PCNX2: variants seen among roughly 807,000 people sequenced by gnomAD.
PCNX2 encodes pecanex-like protein 2.
A neutral mutation model predicts 223.8 loss-of-function variants in PCNX2; 168 were observed. The ratio of observed to expected loss-of-function variants is 0.75; its 90% confidence interval spans 0.66 to 0.85. The LOEUF (loss-of-function observed/expected upper bound fraction) is 0.85. PCNX2 is among the 40% of genes least tolerant of loss of function. The pLI, the probability that PCNX2 is intolerant of heterozygous loss-of-function variation, is 0.00. For synonymous variants in PCNX2, 1,006 were observed against 1,052.6 expected (o/e 0.96, Z 0.86); for missense variants, 2,507 against 2,675.5 (o/e 0.94, Z 1.39).
At chr1:233,063,513 C>T (rs1199831843) in intron 23 of PCNX2, among the ~76,000 whole-genome samples, 1 of 152,090 alleles carries the variant, frequency 6.6e-6, no homozygotes, top group Non-Finnish European at 1.5e-5. Context: ...GTCATACATA[C>T]TGTTATTAAT....
chr1:233,296,544 G>A (rs1477783558), upstream of PCNX2, among the ~76,000 whole-genome samples: 1 of 152,160 alleles, frequency 6.6e-6, no homozygotes, highest in Non-Finnish European at 1.5e-5. Flanking sequence ...ATTTACAGTG[G>A]ATACAGTTTA....
At chr1:233,169,644 C>CAAAAAAAAAAAAAAAA (rs200439765) in intron 17 of PCNX2, among the ~76,000 whole-genome samples, 66 of 68,784 alleles carry the variant, frequency 9.6e-4, no homozygotes, top group African/African-American at 3.4e-3. Flanking sequence ...AACTCCGTCT[C>CAAAAAAAAAAAAAAAA]AAAAAAAAAA....
At chr1:233,259,423 C>T in intron 4 of PCNX2, 79 bp from the exon 5 acceptor site, 3 of 1,448,632 alleles carry the variant, frequency 2.1e-6, no homozygotes, top group Middle Eastern at 1.8e-4. Context: ...TGAATAATAA[C>T]AAAACTAAAA....
In PCNX2 at chr1:233,135,099, T is replaced by C. The variant is rs749565633; in HGVS notation, c.3751A>G (p.Thr1251Ala). 4 of 1,613,180 alleles carry C rather than the reference T, an allele frequency of 2.5e-6. No individual in the cohort carries two copies. The highest frequency in any genetic ancestry group is 3.4e-6 in the Non-Finnish European group (4 of 1,179,132). Residue 1251 changes from threonine (T) to alanine (A), a missense_variant, in exon 21 of 34, where the codon ACT (threonine) becomes GCT (alanine). Coordinates refer to ENST00000258229, the MANE Select transcript of PCNX2 (RefSeq NM_014801.4). ...TAGTCAAAGTGGAAAAAGATGACAG[T>C]GAAGCTCAAGTTAATAAACTGGTAA... ...PVYQFINLSF[T>A]VIFFHFDYKD... is the part of the protein sequence containing the mutation.
chr1:233,130,533 G>A (rs1438422659), intron 21 of PCNX2, among the ~76,000 whole-genome samples: 2 of 150,240 alleles, frequency 1.3e-5, no homozygotes, highest in African/African-American at 2.4e-5. Flanking sequence ...TGCCCAGGCT[G>A]GAGTGCAGTG....
At chr1:233,057,178 G>T (rs1672219282) in intron 24 of PCNX2, 54 bp downstream of exon 24, 2 of 1,396,132 alleles carry the variant, frequency 1.4e-6, no homozygotes, top group Non-Finnish European at 2.0e-6. Context: ...TTCCTTTTGA[G>T]AATCCATCCA....
At chr1:233,105,366 C>A (rs964871293) in intron 21 of PCNX2, among the ~76,000 whole-genome samples, 6 of 152,122 alleles carry the variant, frequency 3.9e-5, no homozygotes, top group Non-Finnish European at 8.8e-5. Flanking sequence ...TCATAAACAT[C>A]CCTTACAAAC....
At chr1:233,263,452 A>ATTTT (rs67108893) in intron 1 of PCNX2, among the ~76,000 whole-genome samples, 1 of 126,796 alleles carries the variant, frequency 7.9e-6, no homozygotes, top group Non-Finnish European at 1.6e-5. Context: ...AAACCTCTCC[A>ATTTT]TTTTTTTTTT....
chr1:233,221,138 A>C (rs701179), intron 10 of PCNX2, among the ~76,000 whole-genome samples: 96,542 of 151,728 alleles, frequency 0.64, 30,938 homozygotes, highest in East Asian at 0.78. Flanking sequence ...GAAAGATAAC[A>C]TAGAAATATA....
At chr1:233,080,983 T>C (rs909808917) in intron 23 of PCNX2, among the ~76,000 whole-genome samples, 10 of 152,216 alleles carry the variant, frequency 6.6e-5, no homozygotes, top group Non-Finnish European at 1.2e-4. Flanking sequence ...TGTGAAGTTA[T>C]TTAACACCCT....
intron 23 of PCNX2, among the ~76,000 whole-genome samples, chr1:233,060,318 C>T (rs1429099634): frequency 1.3e-5 from 2 of 152,160 alleles, no homozygotes; most frequent in Non-Finnish European, 1.5e-5. Context: ...AATTTTCAAG[C>T]AGCAGAATAA....
At chr1:233,024,657 A>G (rs1671020374) in intron 26 of PCNX2, among the ~76,000 whole-genome samples, 1 of 152,202 alleles carries the variant, frequency 6.6e-6, no homozygotes, top group African/African-American at 2.4e-5. Flanking sequence ...ATATGTTATT[A>G]GTCTCCATGT....
intron 19 of PCNX2, among the ~76,000 whole-genome samples, chr1:233,154,896 C>G (rs1375184155): frequency 6.6e-6 from 1 of 151,992 alleles, no homozygotes; most frequent in African/African-American, 2.4e-5. Flanking sequence ...TAGTGAAACC[C>G]TGTCTCTACT....
chr1:232,992,716 GA>G (rs1292522128), intron 32 of PCNX2, among the ~76,000 whole-genome samples: 1 of 152,194 alleles, frequency 6.6e-6, no homozygotes, highest in Non-Finnish European at 1.5e-5. Context: ...ATTTGATCTT[GA>G]ATTGTAATCC....
At chr1:233,136,183 C>G (rs1676791013) in intron 20 of PCNX2, among the ~76,000 whole-genome samples, 1 of 152,182 alleles carries the variant, frequency 6.6e-6, no homozygotes, top group Non-Finnish European at 1.5e-5. Context: ...TTCTAACATG[C>G]TATGATATTT....
intron 21 of PCNX2, among the ~76,000 whole-genome samples, chr1:233,114,043 TTAA>T (rs1675269566): frequency 6.6e-6 from 1 of 152,184 alleles, no homozygotes; most frequent in South Asian, 2.1e-4. Context: ...TTCAAGGAAC[TTAA>T]TAATAGTGGG....
chr1:233,311,886 G>A, the PCNX2 span, among the ~76,000 whole-genome samples: 2 of 152,300 alleles, frequency 1.3e-5, no homozygotes, highest in African/African-American at 2.4e-5. Context: ...TTGGGAGGCT[G>A]AGGCGGGCAG....
chr1:233,154,111 C>A (rs910267184), intron 19 of PCNX2, among the ~76,000 whole-genome samples: 1 of 152,076 alleles, frequency 6.6e-6, no homozygotes, highest in Non-Finnish European at 1.5e-5. Context: ...GGGAATCTTG[C>A]TCTGTCACCC....
chr1:233,218,063 C>A lies in PCNX2; in HGVS notation c.2626G>T (p.Val876Phe). The part of the protein sequence containing the change: ...KDMWVLLFCL[V>F]MASCQYSLLK... ...AGGGAGTACTGGCAGCTGGCCATGACGAGGCAGAAGAGGAGCACCCACATA... is the reference window on the plus strand; with the variant it reads ...AGGGAGTACTGGCAGCTGGCCATGAAGAGGCAGAAGAGGAGCACCCACATA... Residue 876 changes from valine (V) to phenylalanine (F), a missense_variant, in exon 11 of 34, where the codon GTC becomes TTC. This residue lies in a region of PCNX2 where 104 missense variants were observed against 144.4 expected (regional missense o/e 0.72). Transcript: ENST00000258229. 6.2e-7 allele frequency: 1 copy of A among 1,600,584 alleles called. No homozygotes were observed. The highest frequency in any genetic ancestry group is 8.5e-7 in the Non-Finnish European group (1 of 1,173,430).
Sources: allele counts gnomAD v4.1 joint callset (sites outside exome capture counted in the v4.1 genomes callset), GRCh38; gene constraint gnomAD v4.1.1; regional missense constraint gnomAD v4.1.1; transcripts MANE v1.5; gene names NCBI Gene and HGNC (gene_info 2026-07-23, HGNC 2026-07-21).